The following TGM5 variants were observed in gnomAD, a reference collection of about 807,000 sequenced individuals.
TGM5 encodes the protein protein-glutamine gamma-glutamyltransferase 5.
A neutral mutation model predicts 77.2 loss-of-function variants in TGM5; 69 were observed. The observed-to-expected ratio is 0.89, with a 90% CI of 0.74 to 1.09. The LOEUF (loss-of-function observed/expected upper bound fraction) is 1.09, where lower values mean the gene tolerates loss of function less well. Ranked by LOEUF, TGM5 falls within the 50% of genes least tolerant of loss-of-function variation. The pLI, the probability that TGM5 is intolerant of heterozygous loss-of-function variation, is 0.00. For missense variants in TGM5, 842 were observed against 896.5 expected (o/e 0.94, Z 0.78); for synonymous variants, 346 against 351.8 (o/e 0.98, Z 0.18).
chr15:43,248,029 G>A (rs957043517), intron 6 of TGM5, among the ~76,000 whole-genome samples: 3 of 152,150 alleles, frequency 2.0e-5, no homozygotes, highest in Admixed American at 6.5e-5. Flanking sequence ...CTTTTACAAA[G>A]AGGGGCCTGA....
intron 6 of TGM5, among the ~76,000 whole-genome samples, chr15:43,249,803 C>G (rs2042692259): frequency 6.6e-6 from 1 of 152,218 alleles, no homozygotes; most frequent in African/African-American, 2.4e-5. Context: ...AAACTATAAC[C>G]TCATCTTTGA....
intron 10 of TGM5, 126 bp downstream of exon 10, chr15:43,235,343 C>T (rs141731308): frequency 1.1e-5 from 15 of 1,313,802 alleles, no homozygotes; most frequent in Admixed American, 7.6e-5. Context: ...GGAGGGGAAT[C>T]GTGCCAGAGG....
chr15:43,265,371 C>A (rs915467486), intron 1 of TGM5, among the ~76,000 whole-genome samples: 1 of 152,192 alleles, frequency 6.6e-6, no homozygotes, highest in African/African-American at 2.4e-5. Context: ...GAAGCTTGCC[C>A]CCTTTGGAGA....
At chr15:43,249,707 C>T (rs2042691786) in intron 6 of TGM5, among the ~76,000 whole-genome samples, 1 of 152,202 alleles carries the variant, frequency 6.6e-6, no homozygotes, top group South Asian at 2.1e-4. Context: ...CCTAGAACTC[C>T]AGGGTGCCTG....
intron 6 of TGM5, among the ~76,000 whole-genome samples, chr15:43,248,079 A>G (rs1162347162): frequency 6.6e-6 from 1 of 152,238 alleles, no homozygotes; most frequent in Non-Finnish European, 1.5e-5. Flanking sequence ...TGAGGAATAT[A>G]GTTAACTCTA....
chr15:43,238,377 G>A (rs551757828), intron 9 of TGM5, among the ~76,000 whole-genome samples: 12 of 152,362 alleles, frequency 7.9e-5, no homozygotes, highest in East Asian at 1.9e-4. Context: ...GCCTCTGGCC[G>A]TGCCGTTCCC....
Position 43,260,472 on chromosome 15 carries a change from T to C in TGM5, c.118A>G (p.Asn40Asp). ...CGGTTCCTGAAGTACAGGGTGAGGTTGAAGGCCTGGCCCCGGCGAACAAGC... is the reference window on the plus strand; with the variant it reads ...CGGTTCCTGAAGTACAGGGTGAGGTCGAAGGCCTGGCCCCGGCGAACAAGC... ...HLLVRRGQAF[N>D]LTLYFRNRSF... is the part of the protein sequence containing the mutation. The change falls in exon 2 of 13, where the codon AAC (asparagine) becomes GAC (aspartate). Residue 40 changes from asparagine (N) to aspartate (D), a missense_variant. By Grantham distance (23) the Asn-to-Asp change is conservative. This residue lies in a region of TGM5 where 815 missense variants were observed against 844.6 expected (regional missense o/e 0.96). Coordinates refer to ENST00000220420, the MANE Select transcript of TGM5 (RefSeq NM_201631.4). 1 of 1,614,158 alleles carries C rather than the reference T, an allele frequency of 6.2e-7. No homozygotes were observed. Among genetic ancestry groups the C allele is most frequent in the Non-Finnish European group, 8.5e-7 (1 of 1,180,018 alleles).
chr15:43,260,696 A>G (rs1228392166), intron 1 of TGM5, 117 bp from the exon 2 acceptor site: 1 of 1,096,148 alleles, frequency 9.1e-7, no homozygotes, highest in Non-Finnish European at 1.4e-6. Flanking sequence ...CAGTTTCCAT[A>G]TCAGTAAAAT....
Position 43,233,328 on chromosome 15 carries a change from G to C in TGM5, c.2026C>G (p.Pro676Ala). 6.2e-7 allele frequency: 1 copy of C among 1,613,874 alleles called. No homozygotes were observed. Among genetic ancestry groups the C allele is most frequent in the Non-Finnish European group, 8.5e-7 (1 of 1,180,038 alleles). ...QQKVFLGVLKPQHQASIILET... is the reference protein window; with the variant it reads ...QQKVFLGVLKAQHQASIILET... ...AGAATGATGCTTGCTTGGTGTTGGG[G>C]TTTGAGGACTCCAAGGCTGCAACAG... The change falls in exon 13 of 13, where the codon CCC becomes GCC. Residue 676 changes from proline to alanine, a missense_variant. This residue lies in a region of TGM5 where 815 missense variants were observed against 844.6 expected (regional missense o/e 0.96). Transcript: ENST00000220420.
At chr15:43,233,785 C>T (rs2042566192) in intron 11 of TGM5, 98 bp from the exon 12 acceptor site, 1 of 1,411,456 alleles carries the variant, frequency 7.1e-7, no homozygotes, top group African/African-American at 1.4e-5. Flanking sequence ...GGATATGCCA[C>T]CTCCAAATAT....
intron 3 of TGM5, among the ~76,000 whole-genome samples, chr15:43,259,401 C>T (rs746435115): frequency 1.3e-4 from 19 of 150,200 alleles, no homozygotes; most frequent in Admixed American, 6.6e-4. Context: ...ATTGTAGCTG[C>T]TAAGAAGAAT....
rs373933050 is a variant in TGM5, at chr15:43,239,111, G to A, written c.1105+52C>T. 1.2e-5 allele frequency: 19 copies of A among 1,614,034 alleles called. No homozygotes were observed. The Admixed American group carries it at 2.0e-4, about 17-fold the overall frequency. On this transcript the variant is annotated intron_variant, in intron 8 of 12. Coordinates refer to ENST00000220420, the MANE Select transcript of TGM5 (RefSeq NM_201631.4). ...CTGTTTGTTGCAGGGCTGGGCAGGG[G>A]TGGGGTGCTTTCCACGGGAGCGGGG...
chr15:43,244,289 A>G (rs1191865764), intron 6 of TGM5, among the ~76,000 whole-genome samples: 2 of 152,202 alleles, frequency 1.3e-5, no homozygotes, highest in Non-Finnish European at 1.5e-5. Flanking sequence ...TTGCATTTCT[A>G]CATTCCTAGT....
intron 3 of TGM5, 80 bp downstream of exon 3, chr15:43,259,972 G>C (rs1353874574): frequency 4.4e-5 from 70 of 1,605,888 alleles, no homozygotes; most frequent in Middle Eastern, 2.2e-4. Flanking sequence ...CGGGAGCGGG[G>C]TCTAGAAACC....
chr15:43,247,083 G>C (rs2042674131), intron 6 of TGM5, among the ~76,000 whole-genome samples: 1 of 151,548 alleles, frequency 6.6e-6, no homozygotes, highest in African/African-American at 2.4e-5. Context: ...GCTTGAACCT[G>C]GTAGGTGGAG....
chr15:43,257,053 C>T (rs961414628), intron 3 of TGM5, among the ~76,000 whole-genome samples: 1 of 152,180 alleles, frequency 6.6e-6, no homozygotes, highest in Non-Finnish European at 1.5e-5. Flanking sequence ...ATATTCTGTG[C>T]TTTTTCTGCT....
At chr15:43,235,023 G>A in intron 10 of TGM5, 94 bp from the exon 11 acceptor site, 1 of 1,481,860 alleles carries the variant, frequency 6.7e-7, no homozygotes, top group Non-Finnish European at 9.3e-7. Context: ...AGAAGAGAAA[G>A]TCAACAAGTA....
chr15:43,252,374 T>G (rs1260175803), intron 6 of TGM5, among the ~76,000 whole-genome samples: 4 of 152,226 alleles, frequency 2.6e-5, no homozygotes, highest in African/African-American at 9.6e-5. Flanking sequence ...TGGAGTGCAG[T>G]GGCGTGATCT....
rs747821765 is a variant in TGM5 at position 43,266,880 on chromosome 15, C to T, written c.-31G>A. On this transcript the variant is annotated 5_prime_UTR_variant, in exon 1 of 13. Coordinates refer to ENST00000220420, the MANE Select transcript of TGM5 (RefSeq NM_201631.4). ...CTGCCTCCGGTTCCTGGGATGCTCC[C>T]CACAGAACAGCTGGGCGGTCTGGAG... 1 of 1,613,942 alleles carries T rather than the reference C, an allele frequency of 6.2e-7. No homozygotes were observed. Among genetic ancestry groups the T allele is most frequent in the South Asian group, 1.1e-5 (1 of 91,074 alleles).
Sources: gnomAD v4.1 joint callset for allele counts (sites outside exome capture counted in the v4.1 genomes callset) on GRCh38, gnomAD v4.1.1 for gene constraint, gnomAD v4.1.1 regional missense constraint, MANE v1.5 for transcripts, NCBI Gene and HGNC (gene_info 2026-07-23, HGNC 2026-07-21) for gene names.